The following TGFBR3 variants were observed in gnomAD, a reference collection of about 807,000 sequenced individuals.
TGFBR3 encodes the protein transforming growth factor beta receptor type 3.
In TGFBR3, 46 loss-of-function variants were observed where a neutral mutation model predicts 87.9. The ratio of observed to expected loss-of-function variants is 0.52; its 90% CI spans 0.41 to 0.67. TGFBR3 has a LOEUF of 0.67. Ranked by LOEUF, TGFBR3 falls within the 30% of genes least tolerant of loss-of-function variation. The pLI is 0.00. For synonymous variants in TGFBR3, 381 were observed against 391.6 expected (o/e 0.97, Z 0.32); for missense variants, 866 against 1,041.9 (o/e 0.83, Z 2.32).
chr1:91,823,404 G>GA (rs1676522478), intron 2 of TGFBR3, among the ~76,000 whole-genome samples: 1 of 152,152 alleles, frequency 6.6e-6, no homozygotes, highest in African/African-American at 2.4e-5. Context: ...CATATGTCCA[G>GA]AAAAAGACAT....
intron 3 of TGFBR3, among the ~76,000 whole-genome samples, chr1:91,761,707 A>G (rs2100904540): frequency 6.6e-6 from 1 of 152,218 alleles, no homozygotes; most frequent in South Asian, 2.1e-4. Flanking sequence ...GAGAACACAC[A>G]GCAATATCTC....
chr1:91,804,850 G>A (rs1008331015), intron 2 of TGFBR3, among the ~76,000 whole-genome samples: 7 of 152,130 alleles, frequency 4.6e-5, no homozygotes, highest in Non-Finnish European at 5.9e-5. Flanking sequence ...TCTTCCCTAC[G>A]CAATCTCTTC....
At chr1:91,723,904 T>G (rs1275077275) in intron 7 of TGFBR3, among the ~76,000 whole-genome samples, 1 of 152,236 alleles carries the variant, frequency 6.6e-6, no homozygotes, top group Non-Finnish European at 1.5e-5. Context: ...TAAATATTAA[T>G]CCTTTCCCAC....
intron 3 of TGFBR3, chr1:91,771,018 G>C (rs1050732318): frequency 1.3e-5 from 2 of 152,188 alleles, no homozygotes; most frequent in Non-Finnish European, 2.9e-5. Flanking sequence ...TAGCCCAGCA[G>C]TTTGCAATGC....
At chr1:91,874,892 G>GA (rs1678723113) in intron 1 of TGFBR3, among the ~76,000 whole-genome samples, 1 of 152,172 alleles carries the variant, frequency 6.6e-6, no homozygotes. Flanking sequence ...GGCAAGAAGA[G>GA]AAACACTGCT....
chr1:91,873,672 C>A (rs149232854), intron 1 of TGFBR3, among the ~76,000 whole-genome samples: 3 of 152,138 alleles, frequency 2.0e-5, no homozygotes, highest in African/African-American at 7.2e-5. Flanking sequence ...ATGGGCTGAG[C>A]GCTGTGGCTA....
chr1:91,761,311 C>T (rs1246128350), intron 3 of TGFBR3, among the ~76,000 whole-genome samples: 1 of 152,162 alleles, frequency 6.6e-6, no homozygotes, highest in African/African-American at 2.4e-5. Flanking sequence ...GTGCTGAGGC[C>T]TGGCTCATAC....
intron 3 of TGFBR3, among the ~76,000 whole-genome samples, chr1:91,785,171 T>TG (rs759323634): frequency 1.3e-5 from 2 of 152,248 alleles, no homozygotes; most frequent in Non-Finnish European, 2.9e-5. Context: ...AACTGATACA[T>TG]GCTACAACAT....
At chr1:91,704,542 T>A (rs1301034250) in intron 14 of TGFBR3, among the ~76,000 whole-genome samples, 1 of 152,210 alleles carries the variant, frequency 6.6e-6, no homozygotes, top group East Asian at 1.9e-4. Flanking sequence ...TGTGTGCCCT[T>A]GGCCAAGTTA....
At chr1:91,900,345 C>T (rs1182063887) in intron 1 of TGFBR3, among the ~76,000 whole-genome samples, 1 of 152,116 alleles carries the variant, frequency 6.6e-6, no homozygotes. Flanking sequence ...AACTCCAGAC[C>T]TCGGGTGATC....
At chr1:91,706,186 T>G (rs2100744767) in intron 14 of TGFBR3, among the ~76,000 whole-genome samples, 1 of 152,284 alleles carries the variant, frequency 6.6e-6, no homozygotes, top group Non-Finnish European at 1.5e-5. Flanking sequence ...CCAGAGCAAC[T>G]CTACCTTGAA....
At chr1:91,894,286 C>T (rs1679508587) in intron 2 of TGFBR3, among the ~76,000 whole-genome samples, 1 of 152,116 alleles carries the variant, frequency 6.6e-6, no homozygotes, top group Non-Finnish European at 1.5e-5. Flanking sequence ...GTAGTAATTC[C>T]CTCTTGCAAT....
chr1:91,728,059 G>T, intron 6 of TGFBR3: 1 of 530,406 alleles, frequency 1.9e-6, no homozygotes, highest in South Asian at 2.1e-5. Flanking sequence ...GAAAAGAGGT[G>T]GTTACTTAAT....
chr1:91,804,017 A>G (rs956910626), intron 2 of TGFBR3, among the ~76,000 whole-genome samples: 1 of 152,198 alleles, frequency 6.6e-6, no homozygotes, highest in Non-Finnish European at 1.5e-5. Flanking sequence ...CCAGCACAGT[A>G]TCTGGCACAA....
intron 3 of TGFBR3, among the ~76,000 whole-genome samples, chr1:91,764,360 C>T (rs923420520): frequency 4.7e-5 from 6 of 128,092 alleles, no homozygotes; most frequent in African/African-American, 1.8e-4. Context: ...AAGTCTGAAA[C>T]GGGATGCAGA....
intron 5 of TGFBR3, among the ~76,000 whole-genome samples, chr1:91,731,601 A>G (rs1672774399): frequency 6.6e-6 from 1 of 152,208 alleles, no homozygotes; most frequent in Non-Finnish European, 1.5e-5. Flanking sequence ...CACAGGATGG[A>G]AAATGATATT....
intron 14 of TGFBR3, among the ~76,000 whole-genome samples, chr1:91,699,970 G>T (rs576273467): frequency 1.3e-5 from 2 of 152,238 alleles, no homozygotes; most frequent in Non-Finnish European, 1.5e-5. Context: ...ATTTTGAAAT[G>T]ATTTTTTAAA....
chr1:91,869,910 C>A (rs1678523920), intron 1 of TGFBR3, among the ~76,000 whole-genome samples: 1 of 152,102 alleles, frequency 6.6e-6, no homozygotes, highest in African/African-American at 2.4e-5. Flanking sequence ...GACTAATAAT[C>A]CTGAATCCCT....
At chr1:91,754,705 GT>G (rs1673677538) in intron 4 of TGFBR3, among the ~76,000 whole-genome samples, 1 of 152,118 alleles carries the variant, frequency 6.6e-6, no homozygotes, top group Non-Finnish European at 1.5e-5. Flanking sequence ...ATTAAAGTAT[GT>G]TTTCAGTCAC....
Sources: allele counts gnomAD v4.1 joint callset (sites outside exome capture counted in the v4.1 genomes callset), GRCh38; gene constraint gnomAD v4.1.1; transcripts MANE v1.5; gene names NCBI Gene and HGNC (gene_info 2026-07-23, HGNC 2026-07-21).